The following ZNF578 variants were observed in gnomAD, a reference collection of about 807,000 sequenced individuals.
ZNF578 encodes zinc finger protein 578, also known as Putative chemokine-related protein B42.
Under a neutral mutation model 8.3 loss-of-function variants are expected in ZNF578, and 8 were observed. The ratio of observed to expected loss-of-function variants is 0.96; its 90% CI spans 0.56 to 1.74. The LOEUF (loss-of-function observed/expected upper bound fraction) is 1.74. Among genes scored for constraint, ZNF578 ranks in the 40% most tolerant of loss-of-function variants. The pLI, the probability that ZNF578 is intolerant of heterozygous loss-of-function variation, is 0.00. For missense variants in ZNF578, 726 were observed against 707.5 expected (o/e 1.03, Z -0.30); for synonymous variants, 206 against 232.2 (o/e 0.89, Z 1.03).
chr19:52,482,221 C>A (rs113822069), intron 2 of ZNF578, among the ~76,000 whole-genome samples: 7,144 of 152,164 alleles, frequency 0.047, 562 homozygotes, highest in African/African-American at 0.16. Flanking sequence ...TTAGTAGAGA[C>A]GGGGTTTCTT....
intron 2 of ZNF578, among the ~76,000 whole-genome samples, chr19:52,475,449 T>G (rs2059305392): frequency 6.6e-6 from 1 of 151,498 alleles, no homozygotes; most frequent in Admixed American, 6.6e-5. Context: ...CTCCACCTCC[T>G]GGGTTCAAGC....
chr19:52,513,077 A>G lies in ZNF578; in HGVS notation c.*923A>G, dbSNP rs907855673. On this transcript the variant is annotated 3_prime_UTR_variant, in exon 6 of 6. Transcript: ENST00000421239. ...CTCTTGCTGCCCAGGCTAGAGTGCA[A>G]TGGTGCGATCTTGACTCACAGCAAC... Among the ~76,000 whole-genome samples, 4 of 152,084 alleles carry G rather than the reference A, an allele frequency of 2.6e-5. No homozygotes were observed. The highest frequency in any genetic ancestry group is 7.2e-5 in the African/African-American group (3 of 41,424).
In ZNF578 at chr19:52,499,689, G is replaced by GTTTTTTTTTTTTTTTTT. The variant is rs66824085; in HGVS notation, c.-19-2125_-19-2124insTTTTTTTTTTTTTTTTT. Among the ~76,000 whole-genome samples, 13 of 141,544 alleles carry GTTTTTTTTTTTTTTTTT rather than the reference G, an allele frequency of 9.2e-5. 2 individuals are homozygous for GTTTTTTTTTTTTTTTTT. The highest frequency in any genetic ancestry group is 2.9e-4 in the African/African-American group (11 of 37,488). 92.9% of individuals were successfully genotyped at this position (141,544 alleles called of 152,430 possible). ...TGAGAAGATACATCACTTCCAAATC[G>GTTTTTTTTTTTTTTTTT]TTTTTTTTTTTTTGAGATGAATTTT... On this transcript the variant is annotated intron_variant, in intron 3 of 5. Transcript: ENST00000421239.
intron 2 of ZNF578, among the ~76,000 whole-genome samples, chr19:52,481,168 C>A (rs1302720866): frequency 6.6e-6 from 1 of 152,046 alleles, no homozygotes; most frequent in Non-Finnish European, 1.5e-5. Flanking sequence ...ACTCTCAGTA[C>A]CTCTTTAGGG....
At chr19:52,454,848 G>A (rs1227142540) in intron 1 of ZNF578, 1 of 152,214 alleles carries the variant, frequency 6.6e-6, no homozygotes, top group Non-Finnish European at 1.5e-5. Context: ...AAGTCTGCAA[G>A]GAACTGGTCA....
chr19:52,481,229 C>G (rs983873035), intron 2 of ZNF578, among the ~76,000 whole-genome samples: 2 of 152,194 alleles, frequency 1.3e-5, no homozygotes, highest in African/African-American at 4.8e-5. Flanking sequence ...CCCCATTCAT[C>G]TGATCAATTT....
rs66998990 is a variant in ZNF578, at chr19:52,513,729, C to CAAA, written c.*1590_*1592dup. On this transcript the variant is annotated 3_prime_UTR_variant, in exon 6 of 6. Coordinates refer to ENST00000421239, the MANE Select transcript of ZNF578 (RefSeq NM_001099694.2). Reference sequence around the variant, plus strand: ...TGGGCGACAGAGTGAGAGTCTGTCTCAAAAAAAAAAAAAAAAAGATATCAA... The same window carrying CAAA: ...TGGGCGACAGAGTGAGAGTCTGTCTCAAAAAAAAAAAAAAAAAAAAGATATCAA... 1.9e-4 allele frequency among the ~76,000 whole-genome samples: 23 copies of CAAA among 123,342 alleles called. No homozygotes were observed. The highest frequency in any genetic ancestry group is 4.1e-4 in the African/African-American group (13 of 32,074). 80.9% of individuals were successfully genotyped at this position (123,342 alleles called of 152,430 possible).
In ZNF578 at chr19:52,473,885, C is replaced by T. The variant is rs987774694; in HGVS notation, c.-122+16927C>T. On this transcript the variant is annotated intron_variant, in intron 2 of 5. Coordinates refer to ENST00000421239, the MANE Select transcript of ZNF578 (RefSeq NM_001099694.2). The stretch of plus-strand genomic sequence containing the variant: ...TGAATAGCTACTATAGACCTTGCCA[C>T]ATTCATTACATCTATAAGGTTTCTC... The T allele has an allele frequency of 2.2e-5, 7 of 323,756 alleles. No homozygotes were observed. The East Asian group carries it at 4.4e-4, about 20-fold the overall frequency. The allele number at this position is 323,756 out of a possible 1,614,324, so 20.1% of individuals were successfully genotyped here.
At chr19:52,497,474 G>A (rs569810593) in intron 3 of ZNF578, among the ~76,000 whole-genome samples, 2 of 152,308 alleles carry the variant, frequency 1.3e-5, no homozygotes, top group South Asian at 4.1e-4. Context: ...TCCTGCCCTG[G>A]CCTCCCAAAG....
intron 2 of ZNF578, among the ~76,000 whole-genome samples, chr19:52,462,196 G>A (rs143905317): frequency 2.0e-5 from 3 of 152,268 alleles, no homozygotes; most frequent in East Asian, 1.9e-4. Flanking sequence ...CAGTTGGACC[G>A]AACTCTGTGA....
In ZNF578 at chr19:52,511,620, C is replaced by A. The variant is rs575949861; in HGVS notation, c.1239C>A (p.His413Gln). 5 of 1,613,138 alleles carry A rather than the reference C, an allele frequency of 3.1e-6. No individual in the cohort carries two copies. In the South Asian group the frequency reaches 5.5e-5, roughly 18 times the overall value. Residue 413 changes from histidine (H) to glutamine (Q), a missense_variant, in exon 6 of 6, where the codon CAC becomes CAA. His to Gln is a conservative substitution (Grantham distance 24). Coordinates refer to ENST00000421239, the MANE Select transcript of ZNF578 (RefSeq NM_001099694.2). ...ECGKAFNQQS[H>Q]LSRHHRLHTG... Reference sequence around the variant, plus strand: ...GCAAGGCTTTTAATCAACAATCACACCTTTCACGTCATCATAGACTTCATA... The same window carrying A: ...GCAAGGCTTTTAATCAACAATCACAACTTTCACGTCATCATAGACTTCATA...
Position 52,466,563 on chromosome 19 carries a change from A to C in ZNF578, c.-122+9605A>C, listed in dbSNP as rs537742966. ...AGCTTAAAATAGAAAAATGTTGATGAACTAAATGTTGATGAACAGTTGATA... is the reference window on the plus strand; with the variant it reads ...AGCTTAAAATAGAAAAATGTTGATGCACTAAATGTTGATGAACAGTTGATA... On this transcript the variant is annotated intron_variant, in intron 2 of 5. Transcript: ENST00000421239. Among the ~76,000 whole-genome samples the C allele has an allele frequency of 5.9e-5, 9 of 152,262 alleles. No homozygotes were observed. The South Asian group carries it at 8.3e-4, about 14-fold the overall frequency.
intron 2 of ZNF578, chr19:52,474,310 A>G: frequency 3.4e-6 from 1 of 295,520 alleles, no homozygotes; most frequent in Non-Finnish European, 6.9e-6. Flanking sequence ...TGCCACATTC[A>G]TTACATTTGT....
chr19:52,507,866 A>G (rs187122331), intron 5 of ZNF578, among the ~76,000 whole-genome samples: 1 of 151,966 alleles, frequency 6.6e-6, no homozygotes, highest in African/African-American at 2.4e-5. Flanking sequence ...CCTGACCAAC[A>G]TGGAGAAACC....
intron 2 of ZNF578, among the ~76,000 whole-genome samples, chr19:52,487,980 G>A (rs1423860060): frequency 6.7e-6 from 1 of 148,346 alleles, no homozygotes; most frequent in Admixed American, 6.7e-5. Flanking sequence ...TTGAGAGGGA[G>A]TTTTACTCTT....
chr19:52,480,291 T>G (rs1234445571), intron 2 of ZNF578, among the ~76,000 whole-genome samples: 1 of 152,222 alleles, frequency 6.6e-6, no homozygotes, highest in African/African-American at 2.4e-5. Flanking sequence ...GGTTTCTTGT[T>G]AACCAGTTTC....
Position 52,508,893 on chromosome 19 carries a change from A to ATTT in ZNF578, c.191-1655_191-1653dup, listed in dbSNP as rs869062581. On this transcript the variant is annotated intron_variant, in intron 5 of 5. Transcript: ENST00000421239. ...TTGCACTTTTCTACACTATTAGTCA[A>ATTT]TTTTTTTTTTTTTTTTTTTTTTTTT... Among the ~76,000 whole-genome samples, 116 of 82,102 alleles carry ATTT rather than the reference A, an allele frequency of 1.4e-3. 10 individuals are homozygous for ATTT. The highest frequency in any genetic ancestry group is 3.0e-3 in the African/African-American group (62 of 20,360). The allele number at this position is 82,102 out of a possible 152,430, so 53.9% of individuals were successfully genotyped here.
chr19:52,459,612 T>TACACACACACACAC (rs71180468), intron 2 of ZNF578, among the ~76,000 whole-genome samples: 22 of 118,770 alleles, frequency 1.9e-4, no homozygotes, highest in African/African-American at 6.2e-4. Context: ...AATGTGTATG[T>TACACACACACACAC]ACACACACAC....
chr19:52,479,542 CAA>C (rs34862610), intron 2 of ZNF578, among the ~76,000 whole-genome samples: 46 of 64,240 alleles, frequency 7.2e-4, no homozygotes, highest in East Asian at 1.1e-3. Context: ...GACTCCATCT[CAA>C]AAAAAAAAAA....
Sources: allele counts gnomAD v4.1 joint callset (sites outside exome capture counted in the v4.1 genomes callset), GRCh38; gene constraint gnomAD v4.1.1; transcripts MANE v1.5; gene names NCBI Gene and HGNC (gene_info 2026-07-23, HGNC 2026-07-21).